HADHA: variants seen among roughly 807,000 people sequenced by gnomAD.
HADHA encodes trifunctional enzyme subunit alpha, mitochondrial.
In HADHA, 59 loss-of-function variants were observed where a neutral mutation model predicts 91.3. The observed-to-expected ratio is 0.65, with a 90% CI of 0.52 to 0.80. The LOEUF (loss-of-function observed/expected upper bound fraction) is 0.80. Ranked by LOEUF, HADHA falls within the 30% of genes least tolerant of loss-of-function variation. The pLI, the probability that HADHA is intolerant of heterozygous loss-of-function variation, is 0.00. For missense variants in HADHA, 800 were observed against 927.6 expected, an observed-to-expected ratio of 0.86 and a Z score of 1.79; for synonymous variants, 320 against 338.9, an observed-to-expected ratio of 0.94 and a Z score of 0.61.
chr2:26,236,726 T>C (rs1179450430), intron 4 of HADHA, 129 bp downstream of exon 4: 7 of 741,450 alleles, frequency 9.4e-6, no homozygotes, highest in Admixed American at 4.5e-5. Flanking sequence ...GATACGTACA[T>C]TTTCAATTTT....
chr2:26,236,428 T>G (rs76060151), intron 4 of HADHA, among the ~76,000 whole-genome samples: 6 of 110,994 alleles, frequency 5.4e-5, no homozygotes, highest in African/African-American at 1.6e-4. Flanking sequence ...GTGTATATAC[T>G]TTTTTTTTTT....
Position 26,204,104 on chromosome 2 carries a change from G to A in HADHA, c.1178C>T (p.Thr393Ile), listed in dbSNP as rs974017529. 1.9e-6 allele frequency: 3 copies of A among 1,613,840 alleles called. No individual in the cohort carries two copies. The highest frequency in any genetic ancestry group is 1.7e-6 in the Non-Finnish European group (2 of 1,179,696). Residue 393 changes from threonine to isoleucine, a missense_variant, in exon 12 of 20, where the codon ACC (threonine) becomes ATC (isoleucine). Transcript: ENST00000380649. ...KGLKTILKDATLTALDRGQQQ... is the reference protein window; with the variant it reads ...KGLKTILKDAILTALDRGQQQ... ...CTGTCCTCGGTCTAGCGCAGTGAGGGTGGCATCTTTAAGTATAGTCTTTAG... is the reference window on the plus strand; with the variant it reads ...CTGTCCTCGGTCTAGCGCAGTGAGGATGGCATCTTTAAGTATAGTCTTTAG...
rs564189440 is a variant in HADHA, at chr2:26,221,250, G to A, written c.677-6075C>T. On this transcript the variant is annotated intron_variant, in intron 7 of 19. Coordinates refer to ENST00000380649, the MANE Select transcript of HADHA (RefSeq NM_000182.5). This position sits in a 1 kb window ranked among gnomAD's most constrained non-coding sequence, Gnocchi z 4.8. Reference sequence around the variant, plus strand: ...GGCCACGTGATTCAAACCTGATGGCGCCTGAAGTGTCGGCAGCAGACAGAG... The same window carrying A: ...GGCCACGTGATTCAAACCTGATGGCACCTGAAGTGTCGGCAGCAGACAGAG... Among the ~76,000 whole-genome samples the A allele has an allele frequency of 8.5e-5, 13 of 152,300 alleles. No individual in the cohort carries two copies. The Middle Eastern group carries it at 0.01, about 120-fold the overall frequency.
At position 26,244,627 on chromosome 2, in the gene HADHA, G is replaced by C; in HGVS notation, c.-31C>G. The C allele has an allele frequency of 1.3e-6, 2 of 1,560,508 alleles. No homozygotes were observed. Among genetic ancestry groups the C allele is most frequent in the Admixed American group, 1.9e-5 (1 of 52,108 alleles). On this transcript the variant is annotated 5_prime_UTR_variant, in exon 1 of 20. Transcript: ENST00000380649. ...GCTGAAGAGGACAGCAGTGGAGAGC[G>C]CCTCTAACGGGTGCGGCCGAGCGGA...
rs564965309 is a variant in HADHA at position 26,210,331 on chromosome 2, C to T, written c.976-442G>A. ...GGCAGAAATGGAACTTGAACCAAGA[C>T]AGTATGACTCTGAACTCCAGTTCTT... On this transcript the variant is annotated intron_variant, in intron 10 of 19. Transcript: ENST00000380649. The surrounding 1 kb of genome is among the most constrained non-coding windows in gnomAD (Gnocchi z 4.0). Among the ~76,000 whole-genome samples, 1 of 152,332 alleles carries T rather than the reference C, an allele frequency of 6.6e-6. No homozygotes were observed. The highest frequency in any genetic ancestry group is 2.1e-4 in the South Asian group (1 of 4,824).
At chr2:26,199,077 T>C (rs1236797674) in intron 13 of HADHA, among the ~76,000 whole-genome samples, 1 of 152,054 alleles carries the variant, frequency 6.6e-6, no homozygotes, top group Non-Finnish European at 1.5e-5. Context: ...TTGTAGTTTT[T>C]AGTAAAGACA....
At chr2:26,232,717 A>T (rs1208432107) in intron 5 of HADHA, among the ~76,000 whole-genome samples, 1 of 152,186 alleles carries the variant, frequency 6.6e-6, no homozygotes, top group African/African-American at 2.4e-5. Flanking sequence ...ATAGTTTAGG[A>T]CCAGGCACAG....
chr2:26,192,506 G>C, intron 17 of HADHA, 82 bp from the exon 18 acceptor site: 1 of 831,942 alleles, frequency 1.2e-6, no homozygotes, highest in Non-Finnish European at 2.1e-6. Context: ...CCCTGGCCTG[G>C]CCAGGCGTGG....
chr2:26,240,938 T>C (rs932653633), intron 1 of HADHA, among the ~76,000 whole-genome samples: 1 of 152,216 alleles, frequency 6.6e-6, no homozygotes, highest in Admixed American at 6.5e-5. Context: ...AAAACCAGTA[T>C]ATACATGAAC....
intron 6 of HADHA, among the ~76,000 whole-genome samples, chr2:26,230,958 A>G (rs926022344): frequency 6.6e-6 from 1 of 152,166 alleles, no homozygotes; most frequent in Non-Finnish European, 1.5e-5. Context: ...TTGAAACTAG[A>G]GAAGACTGTG....
At position 26,232,279 on chromosome 2, in the gene HADHA, C is replaced by A; in HGVS notation, c.454G>T (p.Val152Phe). 6.3e-7 allele frequency: 1 copy of A among 1,595,318 alleles called. No individual in the cohort carries two copies. The highest frequency in any genetic ancestry group is 1.1e-5 in the South Asian group (1 of 90,620). ...ATTCTGTATTGGCATGAAATGGCAA[C>A]CTTTGAACAAATGAAAGAAAATTAG... is the stretch of plus-strand genomic sequence containing the variant. The part of the protein sequence containing the change: ...NGSCLGGGLE[V>F]AISCQYRIAT... The change falls in exon 6 of 20, where the codon GTT becomes TTT. Residue 152 changes from valine to phenylalanine, a missense_variant and splice_region_variant. Transcript: ENST00000380649.
chr2:26,192,493 G>GA (rs1669537732), intron 17 of HADHA, 69 bp from the exon 18 acceptor site: 1 of 929,644 alleles, frequency 1.1e-6, no homozygotes, highest in Non-Finnish European at 1.8e-6. Flanking sequence ...TTTGTTCTCA[G>GA]AACCCTGGCC....
rs372360889 is a variant in HADHA, at chr2:26,191,293, A to G, written c.2249T>C (p.Leu750Pro). 2.5e-6 allele frequency: 4 copies of G among 1,613,222 alleles called. No individual in the cohort carries two copies. The African/African-American group carries it at 5.3e-5, about 22-fold the overall frequency. The change falls in exon 20 of 20, where the codon CTA (leucine) becomes CCA (proline). Residue 750 changes from leucine (L) to proline (P), a missense_variant. Physicochemically the swap from Leu to Pro is moderately conservative, Grantham distance 98. Transcript: ENST00000380649. ...YGKQFTPCQL[L>P]ADHANSPNKK... ...GTTAGGGCTGTTAGCATGGTCAGCT[A>G]GCAGCTGGCATGGGGTGAACTGTTT...
chr2:26,201,832 T>C (rs1669851255), intron 12 of HADHA, among the ~76,000 whole-genome samples: 1 of 152,108 alleles, frequency 6.6e-6, no homozygotes, highest in Non-Finnish European at 1.5e-5. Flanking sequence ...TCTCGCTCTG[T>C]TGCCCAGGCT....
chr2:26,214,974 C>T lies in HADHA; in HGVS notation c.799+79G>A. 3 of 1,282,480 alleles carry T rather than the reference C, an allele frequency of 2.3e-6. 1 individual carries two copies. In the South Asian group the frequency reaches 3.6e-5, roughly 15 times the overall value. 79.4% of individuals were successfully genotyped at this position (1,282,480 alleles called of 1,614,324 possible). A position where few individuals can be genotyped will look rare whatever the true frequency, so the allele number is the denominator to read the frequency against. ...GAGTAAATAATGCATTTACCACTTC[C>T]TCATTTTGAATCTACAGCAAATAAA... On this transcript the variant is annotated intron_variant, in intron 8 of 19. Coordinates refer to ENST00000380649, the MANE Select transcript of HADHA (RefSeq NM_000182.5). The surrounding 1 kb of genome is among the most constrained non-coding windows in gnomAD (Gnocchi z 4.1).
At chr2:26,215,243 A>C in intron 7 of HADHA, 68 bp from the exon 8 acceptor site, 1 of 1,489,948 alleles carries the variant, frequency 6.7e-7, no homozygotes, top group South Asian at 1.1e-5. Context: ...TGAAAAACCC[A>C]GACTTGCCAA....
At chr2:26,209,265 T>A (rs1371798927) in intron 11 of HADHA, among the ~76,000 whole-genome samples, 4 of 152,066 alleles carry the variant, frequency 2.6e-5, no homozygotes, top group African/African-American at 9.7e-5. Flanking sequence ...AAACATAGAC[T>A]CTGAAGAGCT....
rs201544302 is a variant in HADHA, at chr2:26,236,380, C to CTGTGTGTG, written c.314+467_314+474dup. 1.7e-3 allele frequency among the ~76,000 whole-genome samples: 190 copies of CTGTGTGTG among 111,096 alleles called. 1 individual carries two copies. The highest frequency in any genetic ancestry group is 2.7e-3 in the Non-Finnish European group (155 of 56,690). The allele number at this position is 111,096 out of a possible 152,430, so 72.9% of individuals were successfully genotyped here. On this transcript the variant is annotated intron_variant, in intron 4 of 19. Transcript: ENST00000380649. ...GTGTGTATATATATATATATATACT[C>CTGTGTGTG]TGTGTGTGTGTGTGTGTGTGTGTGT...
At chr2:26,198,456 ACCTCCG>A (rs1398060270) in intron 13 of HADHA, among the ~76,000 whole-genome samples, 19 of 151,194 alleles carry the variant, frequency 1.3e-4, no homozygotes, top group African/African-American at 4.4e-4. Flanking sequence ...GCTCGCTGCA[ACCTCCG>A]CCTCCCAGTT....
Sources: allele counts gnomAD v4.1 joint callset (sites outside exome capture counted in the v4.1 genomes callset), GRCh38; gene constraint gnomAD v4.1.1; non-coding constraint Gnocchi (gnomAD v3.1); transcripts MANE v1.5; gene names NCBI Gene and HGNC (gene_info 2026-07-23, HGNC 2026-07-21).